ZCWPW2: variants seen among roughly 807,000 people sequenced by gnomAD.
The protein encoded by ZCWPW2 is zinc finger CW-type PWWP domain protein 2.
ZCWPW2 carries 45 observed loss-of-function variants against 46.6 expected under a neutral mutation model. The observed-to-expected ratio is 0.96, with a 90% confidence interval of 0.76 to 1.24. ZCWPW2 has a LOEUF of 1.24. Among genes scored for constraint, ZCWPW2 ranks in the 50% most tolerant of loss-of-function variants. ZCWPW2 has a pLI of 0.00. For missense variants in ZCWPW2, 429 were observed against 403.9 expected, an observed-to-expected ratio of 1.06 and a Z score of -0.53; for synonymous variants, 152 against 137.1, an observed-to-expected ratio of 1.11 and a Z score of -0.76.
intron 4 of ZCWPW2, among the ~76,000 whole-genome samples, chr3:28,455,921 A>C (rs955480586): frequency 6.6e-5 from 10 of 151,784 alleles, no homozygotes; most frequent in Non-Finnish European, 1.3e-4. Context: ...GTAGCATGAT[A>C]CCTCCAGCTT....
At chr3:28,351,056 T>C (rs1322894020) in intron 1 of ZCWPW2, among the ~76,000 whole-genome samples, 4 of 151,616 alleles carry the variant, frequency 2.6e-5, no homozygotes, top group African/African-American at 9.7e-5. Flanking sequence ...AGGCCAAGTT[T>C]GGGACAGTTT....
At chr3:28,479,595 ATG>A (rs1485243986) in intron 5 of ZCWPW2, among the ~76,000 whole-genome samples, 1 of 152,072 alleles carries the variant, frequency 6.6e-6, no homozygotes, top group Non-Finnish European at 1.5e-5. Flanking sequence ...TGTCATGGAG[ATG>A]TGTTATAAAG....
chr3:28,455,351 A>G (rs1559511501), intron 4 of ZCWPW2, among the ~76,000 whole-genome samples: 1 of 152,092 alleles, frequency 6.6e-6, no homozygotes, highest in African/African-American at 2.4e-5. Flanking sequence ...TTTCTTATAA[A>G]TTTGTTTAAG....
intron 3 of ZCWPW2, among the ~76,000 whole-genome samples, chr3:28,417,560 A>C (rs377616226): frequency 1.2e-3 from 183 of 151,276 alleles, no homozygotes; most frequent in African/African-American, 4.1e-3. Flanking sequence ...GAGACACAAC[A>C]AAAAAAGAGA....
intron 2 of ZCWPW2, among the ~76,000 whole-genome samples, chr3:28,400,859 G>C (rs1695894341): frequency 1.3e-5 from 2 of 152,044 alleles, no homozygotes; most frequent in South Asian, 4.2e-4. Context: ...AATTTCACAG[G>C]CTCTATAAAA....
chr3:28,398,673 G>A (rs1445739867), intron 2 of ZCWPW2, among the ~76,000 whole-genome samples: 3 of 152,144 alleles, frequency 2.0e-5, no homozygotes, highest in African/African-American at 7.2e-5. Flanking sequence ...CACCCCCATG[G>A]AGGAAACTGA....
intron 6 of ZCWPW2, among the ~76,000 whole-genome samples, chr3:28,506,057 C>A (rs974152237): frequency 1.4e-5 from 2 of 147,350 alleles, no homozygotes; most frequent in Non-Finnish European, 3.0e-5. Flanking sequence ...TTCCAGTCAG[C>A]AATCCTAATT....
intron 4 of ZCWPW2, among the ~76,000 whole-genome samples, chr3:28,464,067 G>A (rs1229440928): frequency 1.3e-5 from 2 of 152,052 alleles, no homozygotes; most frequent in East Asian, 1.9e-4. Context: ...CCCTATCTTG[G>A]GGAAAAGAAG....
rs62250262 is a variant in ZCWPW2 at position 28,402,625 on chromosome 3, C to T, written c.-13-10431C>T. ...AAAAAGAAAACTACAGACCGATATT[C>T]GTGATGAACATAGTTGCTGAAATCT... On this transcript the variant is annotated intron_variant, in intron 2 of 9. Transcript: ENST00000383768. Among the ~76,000 whole-genome samples the T allele has an allele frequency of 3.9e-3, 599 of 152,228 alleles. 4 individuals carry two copies. Among genetic ancestry groups the T allele is most frequent in the Non-Finnish European group, 6.9e-3 (468 of 68,002 alleles).
At chr3:28,376,162 A>G (rs1046638143) in intron 1 of ZCWPW2, among the ~76,000 whole-genome samples, 9 of 152,068 alleles carry the variant, frequency 5.9e-5, no homozygotes, top group African/African-American at 1.9e-4. Flanking sequence ...TATACCCAGC[A>G]GTGGGATTGC....
At chr3:28,377,187 A>AT (rs1408510209) in intron 1 of ZCWPW2, among the ~76,000 whole-genome samples, 1 of 151,880 alleles carries the variant, frequency 6.6e-6, no homozygotes, top group Non-Finnish European at 1.5e-5. Flanking sequence ...TACTCTGCAG[A>AT]TTCATATGTC....
chr3:28,497,238 T>G (rs1700014703), intron 6 of ZCWPW2, among the ~76,000 whole-genome samples: 1 of 151,114 alleles, frequency 6.6e-6, no homozygotes, highest in South Asian at 2.1e-4. Flanking sequence ...GAGATAATAT[T>G]TATATATTTA....
chr3:28,349,248 C>T (rs370088453), intron 1 of ZCWPW2, 45 bp downstream of exon 1: 581 of 973,560 alleles, frequency 6.0e-4, no homozygotes, highest in South Asian at 1.0e-3. Context: ...CGAGGTCCCC[C>T]TTCAGGGGCG....
In ZCWPW2 at chr3:28,383,586, A is replaced by T. The variant is rs940965181; in HGVS notation, c.-133-6912A>T. 3.3e-5 allele frequency among the ~76,000 whole-genome samples: 5 copies of T among 152,220 alleles called. No individual in the cohort carries two copies. The East Asian group carries it at 7.7e-4, about 23-fold the overall frequency. On this transcript the variant is annotated intron_variant, in intron 1 of 9. Transcript: ENST00000383768. ...TTTTTCTACTTTATAAGTAAAAAAA[A>T]AAATCTAGAAGATAAGAGGTGTGTG...
chr3:28,499,882 T>C lies in ZCWPW2; in HGVS notation c.657+7709T>C, dbSNP rs544231793. On this transcript the variant is annotated intron_variant, in intron 6 of 9. Transcript: ENST00000383768. ...ATTTGTTGATATGTTACAAACATTT[T>C]CTGATTTTCCTTTTAAATGTTTTGT... Among the ~76,000 whole-genome samples the C allele has an allele frequency of 1.1e-4, 17 of 152,246 alleles. No homozygotes were observed. In the South Asian group the frequency reaches 3.3e-3, roughly 30 times the overall value.
intron 2 of ZCWPW2, among the ~76,000 whole-genome samples, chr3:28,396,168 T>C (rs1695688729): frequency 6.6e-6 from 1 of 152,104 alleles, no homozygotes; most frequent in African/African-American, 2.4e-5. Context: ...CATCTAGCCC[T>C]ATTCTCTAAT....
Position 28,524,729 on chromosome 3 carries a change from A to G in ZCWPW2, c.*41A>G. ...TCAAATTAATTATAAAAATATTGGC[A>G]TCTTTATATTTATCCAAAGTTAAAA... On this transcript the variant is annotated 3_prime_UTR_variant, in exon 10 of 10. Transcript: ENST00000383768. 1.4e-6 allele frequency: 2 copies of G among 1,386,370 alleles called. No homozygotes were observed. The highest frequency in any genetic ancestry group is 1.9e-6 in the Non-Finnish European group (2 of 1,045,412). The allele number at this position is 1,386,370 out of a possible 1,614,324, so 85.9% of individuals were successfully genotyped here.
Position 28,417,074 on chromosome 3 carries a change from T to G in ZCWPW2, c.332+3674T>G, listed in dbSNP as rs1056532288. 5.4e-5 allele frequency among the ~76,000 whole-genome samples: 8 copies of G among 149,182 alleles called. No individual in the cohort carries two copies. The East Asian group carries it at 1.2e-3, about 22-fold the overall frequency. ...TTCCCTCTCTTTTTTTTTTTTTTTT[T>G]GAAAAGGTCAACAAAATTGATAGAC... On this transcript the variant is annotated intron_variant, in intron 3 of 9. Coordinates refer to ENST00000383768, the MANE Select transcript of ZCWPW2 (RefSeq NM_001040432.4).
At chr3:28,462,908 G>A (rs576574847) in intron 4 of ZCWPW2, among the ~76,000 whole-genome samples, 51 of 152,236 alleles carry the variant, frequency 3.4e-4, no homozygotes, top group Non-Finnish European at 5.3e-4. Context: ...TAAGGAAATG[G>A]GAAAGGAAAA....
Sources: gnomAD v4.1 joint callset for allele counts (sites outside exome capture counted in the v4.1 genomes callset) on GRCh38, gnomAD v4.1.1 for gene constraint, MANE v1.5 for transcripts, NCBI Gene and HGNC (gene_info 2026-07-23, HGNC 2026-07-21) for gene names.